CALB1: variants seen among roughly 807,000 people sequenced by gnomAD.
The protein encoded by CALB1 is calbindin.
Under a neutral mutation model 46.7 loss-of-function variants are expected in CALB1, and 16 were observed. That is an observed-to-expected ratio of 0.34 (90% confidence interval 0.23 to 0.52). The LOEUF (loss-of-function observed/expected upper bound fraction) is 0.52. Ranked by LOEUF, CALB1 falls within the 20% of genes least tolerant of loss-of-function variation. The pLI, the probability that CALB1 is intolerant of heterozygous loss-of-function variation, is 0.95. For missense variants in CALB1, 224 were observed against 300.3 expected (o/e 0.75, Z 1.88); for synonymous variants, 90 against 112.8 (o/e 0.80, Z 1.28).
At chr8:90,067,299 T>G (rs998341734) in intron 5 of CALB1, among the ~76,000 whole-genome samples, 13 of 152,254 alleles carry the variant, frequency 8.5e-5, no homozygotes, top group African/African-American at 2.6e-4. Context: ...CCAACTTATC[T>G]TCAAAATTCC....
intron 1 of CALB1, 28 bp from the exon 2 acceptor site, chr8:90,082,130 T>G (rs1256334049): frequency 1.3e-6 from 2 of 1,571,962 alleles, no homozygotes; most frequent in Admixed American, 3.4e-5. Context: ...CACCCAGGTG[T>G]CAGATATCTC....
At chr8:90,080,890 G>C (rs1048330693) in intron 2 of CALB1, among the ~76,000 whole-genome samples, 3 of 151,980 alleles carry the variant, frequency 2.0e-5, no homozygotes, top group Admixed American at 6.6e-5. Context: ...CTCAATATTA[G>C]AGGTGGTGAT....
intron 9 of CALB1, chr8:90,062,210 T>C: frequency 6.6e-6 from 1 of 152,002 alleles, no homozygotes; most frequent in East Asian, 1.9e-4. Context: ...AAAACTTAAA[T>C]ATAAGATCTA....
chr8:90,064,346 A>T (rs1369636791), intron 6 of CALB1: 1 of 151,764 alleles, frequency 6.6e-6, no homozygotes, highest in Admixed American at 6.6e-5. Flanking sequence ...TCCATTGACC[A>T]TAAATTCTGA....
intron 3 of CALB1, among the ~76,000 whole-genome samples, chr8:90,073,554 G>T (rs569744209): frequency 6.6e-6 from 1 of 152,092 alleles, no homozygotes; most frequent in Non-Finnish European, 1.5e-5. Context: ...CTTCTGTCCC[G>T]GGGTATTGAT....
At chr8:90,077,855 C>T (rs774120470) in intron 3 of CALB1, among the ~76,000 whole-genome samples, 4 of 152,038 alleles carry the variant, frequency 2.6e-5, no homozygotes, top group African/African-American at 7.2e-5. Flanking sequence ...TCTGTTTTTA[C>T]GAAGGCCAAC....
At chr8:90,080,188 C>A (rs1250419978) in intron 2 of CALB1, among the ~76,000 whole-genome samples, 1 of 151,818 alleles carries the variant, frequency 6.6e-6, no homozygotes, top group Non-Finnish European at 1.5e-5. Flanking sequence ...TGTTTAGTAT[C>A]ATTACATTAT....
intron 2 of CALB1, chr8:90,081,499 C>A: frequency 1.0e-6 from 1 of 979,842 alleles, no homozygotes. Context: ...GTAAGAGATC[C>A]ATAATCTGCA....
chr8:90,059,952 G>C lies in CALB1; in HGVS notation c.*221C>G, dbSNP rs1368217658. 6.9e-6 allele frequency: 3 copies of C among 436,122 alleles called. No individual in the cohort carries two copies. Among genetic ancestry groups the C allele is most frequent in the Non-Finnish European group, 1.2e-5 (3 of 246,650 alleles). 27.0% of individuals were successfully genotyped at this position (436,122 alleles called of 1,614,324 possible). ...TTTTTAAAATTGGGTGTACTGACTGGCCTAAGCATAGACTTTCTTCTTTTC... is the reference window on the plus strand; with the variant it reads ...TTTTTAAAATTGGGTGTACTGACTGCCCTAAGCATAGACTTTCTTCTTTTC... On this transcript the variant is annotated 3_prime_UTR_variant, in exon 11 of 11. Coordinates refer to ENST00000265431, the MANE Select transcript of CALB1 (RefSeq NM_004929.4).
chr8:90,061,788 C>T (rs1384077307), intron 9 of CALB1: 1 of 151,998 alleles, frequency 6.6e-6, no homozygotes, highest in East Asian at 1.9e-4. Flanking sequence ...ATTACTCAAA[C>T]ACATCTACAG....
intron 5 of CALB1, among the ~76,000 whole-genome samples, chr8:90,067,418 T>C (rs1814421452): frequency 6.6e-6 from 1 of 152,152 alleles, no homozygotes; most frequent in Non-Finnish European, 1.5e-5. Flanking sequence ...AGCTAAGGTT[T>C]TCATTATGAA....
intron 6 of CALB1, 151 bp downstream of exon 6, chr8:90,065,747 G>T (rs1476168399): frequency 3.2e-5 from 19 of 588,028 alleles, no homozygotes; most frequent in Non-Finnish European, 5.2e-5. Context: ...GCATCCCTAA[G>T]TATTTCACTT....
Position 90,060,080 on chromosome 8 carries a change from C to T in CALB1, c.*93G>A, listed in dbSNP as rs1814266160. On this transcript the variant is annotated 3_prime_UTR_variant, in exon 11 of 11. Coordinates refer to ENST00000265431, the MANE Select transcript of CALB1 (RefSeq NM_004929.4). ...AATTATCTATATGCAGTTAAATTTA[C>T]AGATATAAAAGAAAATACAGCCTAC... The T allele has an allele frequency of 1.3e-6, 1 of 750,976 alleles. No individual in the cohort carries two copies. Among genetic ancestry groups the T allele is most frequent in the South Asian group, 1.5e-5 (1 of 66,878 alleles). 46.5% of individuals were successfully genotyped at this position (750,976 alleles called of 1,614,324 possible). A position where few individuals can be genotyped will look rare whatever the true frequency, so the allele number is the denominator to read the frequency against.
Position 90,082,027 on chromosome 8 carries a change from A to AGCCTT in CALB1, c.154_155insAAGGC (p.Leu52Ter). The AGCCTT allele has an allele frequency of 1.2e-6, 2 of 1,613,182 alleles. No homozygotes were observed. The highest frequency in any genetic ancestry group is 1.7e-6 in the Non-Finnish European group (2 of 1,179,338). On this transcript the variant is annotated stop_gained and frameshift_variant and splice_region_variant, in exon 2 of 11. Coordinates refer to ENST00000265431, the MANE Select transcript of CALB1 (RefSeq NM_004929.4). LOFTEE classifies it high-confidence loss of function. The stretch of plus-strand genomic sequence containing the variant: ...TCTTTTTCGCAAACTTGAACCTACC[A>AGCCTT]ATCCAGCCTTCTTTCGCGCCTGCTG...
At chr8:90,080,762 T>C (rs1201826416) in intron 2 of CALB1, among the ~76,000 whole-genome samples, 1 of 152,078 alleles carries the variant, frequency 6.6e-6, no homozygotes, top group Non-Finnish European at 1.5e-5. Context: ...CTATAGTGCA[T>C]TATAATACAT....
At chr8:90,075,644 G>A (rs2130246467) in intron 3 of CALB1, among the ~76,000 whole-genome samples, 1 of 152,172 alleles carries the variant, frequency 6.6e-6, no homozygotes, top group South Asian at 2.1e-4. Flanking sequence ...TATAAGTTCA[G>A]ACATTTCCTA....
intron 9 of CALB1, chr8:90,062,110 TG>T (rs1814311738): frequency 6.6e-6 from 1 of 152,070 alleles, no homozygotes; most frequent in Non-Finnish European, 1.5e-5. Flanking sequence ...TTTCAACAAA[TG>T]GTGTTAGGTA....
chr8:90,060,762 TA>T, intron 9 of CALB1, 62 bp from the exon 10 acceptor site: 1 of 1,253,228 alleles, frequency 8.0e-7, no homozygotes. Flanking sequence ...GGAAATGAAG[TA>T]AAATGGAAAT....
chr8:90,078,797 T>C (rs1165061344), intron 2 of CALB1, among the ~76,000 whole-genome samples: 1 of 152,040 alleles, frequency 6.6e-6, no homozygotes, highest in Non-Finnish European at 1.5e-5. Flanking sequence ...CAATGCTTGC[T>C]TCATTAAAGA....
Sources: gnomAD v4.1 joint callset for allele counts (sites outside exome capture counted in the v4.1 genomes callset) on GRCh38, gnomAD v4.1.1 for gene constraint, MANE v1.5 for transcripts, NCBI Gene and HGNC (gene_info 2026-07-23, HGNC 2026-07-21) for gene names.